The following ANXA8 variants were observed in gnomAD, a reference collection of about 807,000 sequenced individuals.
The protein encoded by ANXA8 is annexin A8, also known as VAC-beta.
ANXA8 carries 9 observed loss-of-function variants against 26.8 expected under a neutral mutation model. The observed-to-expected ratio is 0.34, with a 90% CI of 0.20 to 0.59. ANXA8 has a LOEUF of 0.59. Among genes scored for constraint, ANXA8 ranks in the 20% least tolerant of loss-of-function variants. The pLI is 0.84. For missense variants in ANXA8, 83 were observed against 238.5 expected, an observed-to-expected ratio of 0.35 and a Z score of 4.29; for synonymous variants, 39 against 94.8, an observed-to-expected ratio of 0.41 and a Z score of 3.42.
At chr10:47,975,154 A>G in the ANXA8 span, among the ~76,000 whole-genome samples, 1 of 149,196 alleles carries the variant, frequency 6.7e-6, no homozygotes, top group Non-Finnish European at 1.5e-5. Context: ...CTTATGAACT[A>G]TTTAGATAAG....
the ANXA8 span, among the ~76,000 whole-genome samples, chr10:47,946,502 A>G: frequency 3.3e-5 from 5 of 150,070 alleles, no homozygotes; most frequent in Non-Finnish European, 5.9e-5. Context: ...TGTTGAGTTG[A>G]CTTTGAATTG....
chr10:47,651,648 G>T, the ANXA8 span, among the ~76,000 whole-genome samples: 1 of 150,102 alleles, frequency 6.7e-6, no homozygotes, highest in East Asian at 2.0e-4. Context: ...AAATCCCAGC[G>T]CTTTGGAAGG....
the ANXA8 span, among the ~76,000 whole-genome samples, chr10:47,940,679 A>C: frequency 2.0e-5 from 3 of 147,706 alleles, no homozygotes; most frequent in Admixed American, 2.0e-4. Context: ...AATACAAAAA[A>C]TTAGCCAGGC....
chr10:47,982,037 C>T, the ANXA8 span, among the ~76,000 whole-genome samples: 5 of 150,402 alleles, frequency 3.3e-5, no homozygotes, highest in South Asian at 1.1e-3. Context: ...ACCTGTAATG[C>T]CAGCACTTTG....
chr10:47,733,836 G>T, the ANXA8 span, among the ~76,000 whole-genome samples: 1 of 151,932 alleles, frequency 6.6e-6, no homozygotes, highest in Non-Finnish European at 1.5e-5. Flanking sequence ...ATTAAGAAGT[G>T]AATTCTACCC....
At chr10:47,988,740 G>T in the ANXA8 span, among the ~76,000 whole-genome samples, 1 of 151,182 alleles carries the variant, frequency 6.6e-6, no homozygotes, top group East Asian at 1.9e-4. Flanking sequence ...GCCTAAGGGG[G>T]CCCAGAGAGT....
At chr10:47,941,654 A>G in the ANXA8 span, among the ~76,000 whole-genome samples, 1 of 147,210 alleles carries the variant, frequency 6.8e-6, no homozygotes, top group Admixed American at 6.7e-5. Flanking sequence ...AAGAAAAAAA[A>G]AACAGCTGGC....
chr10:47,693,292 C>CTTT, the ANXA8 span, among the ~76,000 whole-genome samples: 16 of 140,864 alleles, frequency 1.1e-4, no homozygotes, highest in African/African-American at 3.7e-4. Flanking sequence ...CAAGTACAAT[C>CTTT]TTTTTTTTTT....
chr10:47,530,224 T>C, the ANXA8 span, among the ~76,000 whole-genome samples: 2 of 141,622 alleles, frequency 1.4e-5, no homozygotes, highest in Admixed American at 1.4e-4. Flanking sequence ...TTCCACCACC[T>C]GTTTTTCACA....
At chr10:47,957,846 G>A in the ANXA8 span, among the ~76,000 whole-genome samples, 8 of 149,628 alleles carry the variant, frequency 5.3e-5, 1 homozygote, top group African/African-American at 1.5e-4. Context: ...TACAAGGACT[G>A]AGTACTCAAA....
the ANXA8 span, among the ~76,000 whole-genome samples, chr10:47,604,693 A>G: frequency 6.6e-6 from 1 of 152,196 alleles, no homozygotes; most frequent in Non-Finnish European, 1.5e-5. Context: ...ATTTATGTTT[A>G]TATGCAGCTA....
chr10:47,687,903 C>A, the ANXA8 span, among the ~76,000 whole-genome samples: 1 of 151,748 alleles, frequency 6.6e-6, no homozygotes, highest in South Asian at 2.1e-4. Context: ...AGTTTGCGAC[C>A]AGCCTGGCCA....
the ANXA8 span, among the ~76,000 whole-genome samples, chr10:47,696,075 TA>T: frequency 1.3e-5 from 2 of 151,552 alleles, no homozygotes; most frequent in African/African-American, 2.4e-5. Flanking sequence ...CTTCTGGTCC[TA>T]AAAAAAATTA....
chr10:47,493,328 C>G, the ANXA8 span, among the ~76,000 whole-genome samples: 1 of 148,920 alleles, frequency 6.7e-6, no homozygotes, highest in Non-Finnish European at 1.5e-5. Flanking sequence ...GTCCAGGATG[C>G]TTTGCCCAGG....
the ANXA8 span, chr10:47,564,935 G>A: frequency 6.7e-7 from 1 of 1,482,246 alleles, no homozygotes; most frequent in Non-Finnish European, 9.4e-7. Context: ...GCCCTGGCTG[G>A]ACAAGTCCAT....
chr10:47,493,342 T>C, the ANXA8 span, among the ~76,000 whole-genome samples: 1 of 148,436 alleles, frequency 6.7e-6, no homozygotes, highest in Non-Finnish European at 1.5e-5. Flanking sequence ...GCCCAGGGCA[T>C]TGGGCTGGCA....
At chr10:47,502,959 G>T in the ANXA8 span, 2 of 1,586,964 alleles carry the variant, frequency 1.3e-6, no homozygotes, top group Non-Finnish European at 8.6e-7. Context: ...AGGGGGGCGG[G>T]TTGAGCTTGG....
At chr10:47,982,404 A>C in the ANXA8 span, among the ~76,000 whole-genome samples, 1 of 151,060 alleles carries the variant, frequency 6.6e-6, no homozygotes, top group African/African-American at 2.4e-5. Flanking sequence ...TTGAAAATCC[A>C]ATATTAAACC....
the ANXA8 span, among the ~76,000 whole-genome samples, chr10:47,652,595 G>GA: frequency 2.2e-4 from 32 of 143,664 alleles, no homozygotes; most frequent in Middle Eastern, 3.5e-3. Context: ...AGACTGTCTT[G>GA]AAAAAAAAAA....
Sources: allele counts gnomAD v4.1 joint callset (sites outside exome capture counted in the v4.1 genomes callset), GRCh38; gene constraint gnomAD v4.1.1; transcripts MANE v1.5; gene names NCBI Gene and HGNC (gene_info 2026-07-23, HGNC 2026-07-21).